The following DNAH9 variants were observed in gnomAD, a reference collection of about 807,000 sequenced individuals.
The protein encoded by DNAH9 is DNAH9 variant protein.
Under a neutral mutation model 471.6 loss-of-function variants are expected in DNAH9, and 345 were observed. That is an observed-to-expected ratio of 0.73 (90% CI 0.67 to 0.80). The LOEUF (loss-of-function observed/expected upper bound fraction) is 0.80. DNAH9 is among the 30% of genes least tolerant of loss of function. DNAH9 has a pLI of 0.00. For missense variants in DNAH9, 5,407 were observed against 5,609.2 expected (o/e 0.96, Z 1.15); for synonymous variants, 2,093 against 2,123.6 (o/e 0.99, Z 0.40).
At chr17:11,632,441 A>T (rs777290254) in intron 7 of DNAH9, 146 bp from the exon 8 acceptor site, 2 of 586,912 alleles carry the variant, frequency 3.4e-6, no homozygotes, top group Non-Finnish European at 6.1e-6. Context: ...ATGGCTAAAA[A>T]TTAAGTCATG....
At chr17:11,747,021 G>A (rs1021145068) in intron 31 of DNAH9, among the ~76,000 whole-genome samples, 2 of 152,164 alleles carry the variant, frequency 1.3e-5, no homozygotes, top group African/African-American at 2.4e-5. Context: ...AATTAGAGCT[G>A]GAAGTCAGTA....
chr17:11,623,251 G>A lies in DNAH9; in HGVS notation c.1350+3470G>A, dbSNP rs1159915893. On this transcript the variant is annotated intron_variant, in intron 6 of 68. Coordinates refer to ENST00000262442, the MANE Select transcript of DNAH9 (RefSeq NM_001372.4). This position sits in a 1 kb window ranked among gnomAD's most constrained non-coding sequence, Gnocchi z 4.1. The stretch of plus-strand genomic sequence containing the variant: ...GGCCTCCCAAAGTGCTGGGATTACA[G>A]GTGTGAGCCACCGTGCCCGGCCAGC... 2.6e-5 allele frequency among the ~76,000 whole-genome samples: 4 copies of A among 152,104 alleles called. No individual in the cohort carries two copies. Among genetic ancestry groups the A allele is most frequent in the African/African-American group, 9.7e-5 (4 of 41,426 alleles).
chr17:11,751,826 T>C (rs1275018619), intron 32 of DNAH9, among the ~76,000 whole-genome samples: 3 of 152,114 alleles, frequency 2.0e-5, no homozygotes, highest in East Asian at 3.8e-4. Context: ...ATTATGCAAC[T>C]TTATACCTAG....
intron 7 of DNAH9, among the ~76,000 whole-genome samples, chr17:11,630,673 C>T (rs927217581): frequency 6.6e-6 from 1 of 152,078 alleles, no homozygotes; most frequent in African/African-American, 2.4e-5. Flanking sequence ...ATGTAACAAA[C>T]CTGCACGTTC....
At chr17:11,900,972 C>T (rs941688032) in intron 59 of DNAH9, among the ~76,000 whole-genome samples, 1 of 152,192 alleles carries the variant, frequency 6.6e-6, no homozygotes, top group African/African-American at 2.4e-5. Context: ...GTTCCAACAT[C>T]AAGACTGATG....
At chr17:11,811,081 G>C (rs566163801) in intron 45 of DNAH9, among the ~76,000 whole-genome samples, 3 of 152,342 alleles carry the variant, frequency 2.0e-5, no homozygotes, top group African/African-American at 7.2e-5. Flanking sequence ...GGGAGGCCAA[G>C]GTGGGTGGCT....
At chr17:11,717,435 C>T (rs1056286120) in intron 26 of DNAH9, among the ~76,000 whole-genome samples, 1 of 151,626 alleles carries the variant, frequency 6.6e-6, no homozygotes, top group Non-Finnish European at 1.5e-5. Flanking sequence ...TCAGTAGAAA[C>T]CCAGCCACCA....
At chr17:11,645,377 T>C (rs1484374222) in intron 11 of DNAH9, among the ~76,000 whole-genome samples, 1 of 152,184 alleles carries the variant, frequency 6.6e-6, no homozygotes, top group Non-Finnish European at 1.5e-5. Flanking sequence ...CCACTCCTCT[T>C]TGTCTCCACC....
rs1970792984 is a variant in DNAH9, at chr17:11,834,820, GA to G, written c.9431del (p.Lys3144ArgfsTer24). ...TCATGCTAGAGGTGAAACAGAAGCA[GA>G]AGGACTGTGAGGAGGACCTGGCAAA... ...VIMLEVKQKQ[K>X]DCEEDLAKAE... On this transcript the variant is annotated frameshift_variant, in exon 49 of 69. Transcript: ENST00000262442. LOFTEE classifies it high-confidence loss of function. 1 of 1,613,988 alleles carries G rather than the reference GA, an allele frequency of 6.2e-7. No individual in the cohort carries two copies. The highest frequency in any genetic ancestry group is 8.5e-7 in the Non-Finnish European group (1 of 1,180,022).
At chr17:11,636,858 GT>G in intron 9 of DNAH9, 74 bp downstream of exon 9, 1 of 1,366,192 alleles carries the variant, frequency 7.3e-7, no homozygotes, top group South Asian at 1.2e-5. Context: ...TCTTGTATTT[GT>G]TAAATGTCCA....
intron 61 of DNAH9, among the ~76,000 whole-genome samples, chr17:11,908,546 C>T (rs890590068): frequency 2.0e-5 from 3 of 152,162 alleles, no homozygotes; most frequent in South Asian, 2.1e-4. Flanking sequence ...CCCATTTACT[C>T]GGTAGTCAGA....
intron 35 of DNAH9, among the ~76,000 whole-genome samples, chr17:11,758,384 T>G (rs11078031): frequency 0.43 from 64,943 of 151,938 alleles, 14,016 homozygotes; most frequent in East Asian, 0.52. Context: ...TTATGGTTGT[T>G]GTTGCCATTT....
At position 11,888,697 on chromosome 17, in the gene DNAH9, G is replaced by A. The variant is rs928042601; in HGVS notation, c.11112+1732G>A. ...TTTAAAAGCAGGTTAACTGCTTTAT[G>A]ATAAGTAGCTGAAGTAAGGGTGTTC... On this transcript the variant is annotated intron_variant, in intron 57 of 68. Coordinates refer to ENST00000262442, the MANE Select transcript of DNAH9 (RefSeq NM_001372.4). Among the ~76,000 whole-genome samples the A allele has an allele frequency of 2.0e-5, 3 of 152,224 alleles. 1 individual carries two copies. The highest frequency in any genetic ancestry group is 1.3e-4 in the Admixed American group (2 of 15,282).
rs1972714955 is a variant in DNAH9, at chr17:11,881,341, C to G, written c.10734C>G (p.Thr3578=). The change falls in exon 55 of 69, where the codon ACC becomes ACG. Residue 3578 remains threonine (T), a synonymous_variant. Transcript: ENST00000262442. The part of the protein sequence containing the change: ...AQATLINFTV[T]RDGLEDQLLA... ...CCACCCTGATCAACTTCACCGTGAC[C>G]AGGGATGGCCTGGAGGACCAGTTGC... 6.2e-7 allele frequency: 1 copy of G among 1,613,994 alleles called. No homozygotes were observed. The highest frequency in any genetic ancestry group is 8.5e-7 in the Non-Finnish European group (1 of 1,180,018).
intron 41 of DNAH9, 106 bp from the exon 42 acceptor site, chr17:11,793,397 C>A: frequency 2.0e-6 from 2 of 1,023,476 alleles, no homozygotes; most frequent in Non-Finnish European, 2.9e-6. Context: ...CAAGACAAGC[C>A]CTAGACATCA....
rs373867933 is a variant in DNAH9 at position 11,617,398 on chromosome 17, C to T, written c.905-13C>T. 41 of 1,604,066 alleles carry T rather than the reference C, an allele frequency of 2.6e-5. No homozygotes were observed. Among genetic ancestry groups the T allele is most frequent in the Non-Finnish European group, 3.4e-5 (40 of 1,171,632 alleles). On this transcript the variant is annotated splice_polypyrimidine_tract_variant and intron_variant, in intron 4 of 68. Transcript: ENST00000262442. ...TCCAGATGGGAATGCTGACCATCTC[C>T]AATTCCTTCCAGCTCTAGCAGAGGC...
intron 2 of DNAH9, among the ~76,000 whole-genome samples, chr17:11,609,445 C>CT (rs1478338990): frequency 3.3e-5 from 5 of 152,154 alleles, no homozygotes; most frequent in African/African-American, 4.8e-5. Context: ...GAATTTATCT[C>CT]TGTTTGTTCA....
intron 53 of DNAH9, among the ~76,000 whole-genome samples, chr17:11,876,325 A>G (rs1456575421): frequency 6.6e-6 from 1 of 152,176 alleles, no homozygotes; most frequent in African/African-American, 2.4e-5. Context: ...TGGATACCCC[A>G]TTTTCCATAA....
chr17:11,801,911 C>T (rs747236457), intron 43 of DNAH9, among the ~76,000 whole-genome samples: 8 of 152,084 alleles, frequency 5.3e-5, no homozygotes, highest in Non-Finnish European at 8.8e-5. Flanking sequence ...ATAATAAGTA[C>T]TGGCTACAAA....
Sources: gnomAD v4.1 joint callset for allele counts (sites outside exome capture counted in the v4.1 genomes callset) on GRCh38, gnomAD v4.1.1 for gene constraint, Gnocchi (gnomAD v3.1) non-coding constraint, MANE v1.5 for transcripts, NCBI Gene and HGNC (gene_info 2026-07-23, HGNC 2026-07-21) for gene names.